RABEP1: variants seen among roughly 807,000 people sequenced by gnomAD.
RABEP1 encodes rab GTPase-binding effector protein 1.
In RABEP1, 51 loss-of-function variants were observed where a neutral mutation model predicts 123.4. The ratio of observed to expected loss-of-function variants is 0.41; its 90% confidence interval spans 0.33 to 0.52. The LOEUF (loss-of-function observed/expected upper bound fraction) is 0.52, where lower values mean the gene tolerates loss of function less well. Ranked by LOEUF, RABEP1 falls within the 20% of genes least tolerant of loss-of-function variation. The pLI, the probability that RABEP1 is intolerant of heterozygous loss-of-function variation, is 0.16. For missense variants in RABEP1, 888 were observed against 996.3 expected (o/e 0.89, Z 1.46); for synonymous variants, 347 against 355.2 (o/e 0.98, Z 0.26).
At chr17:5,315,297 C>T (rs1053856601) in intron 2 of RABEP1, among the ~76,000 whole-genome samples, 4 of 152,070 alleles carry the variant, frequency 2.6e-5, no homozygotes, top group African/African-American at 7.2e-5. Flanking sequence ...TAGATTTAAC[C>T]AGTAGAGACG....
At chr17:5,382,931 A>G (rs1058366) in intron 17 of RABEP1, among the ~76,000 whole-genome samples, 191 bp from the exon 18 acceptor site, 1 of 146,000 alleles carries the variant, frequency 6.8e-6, no homozygotes, top group Non-Finnish European at 1.5e-5. Context: ...TCTCCCCCCC[A>G]AAAAAAAATC....
In RABEP1 at chr17:5,282,285, T is replaced by C; in HGVS notation, c.-202T>C. On this transcript the variant is annotated 5_prime_UTR_variant, in exon 1 of 18. Transcript: ENST00000537505. ...CCTGCGCACTGCTTATTTCCCGCTG[T>C]CAGGATGAGGAGGCGGAGGTCGGCG... The C allele has an allele frequency of 2.5e-6, 1 of 405,522 alleles. No homozygotes were observed. 25.1% of individuals were successfully genotyped at this position (405,522 alleles called of 1,614,324 possible).
chr17:5,303,572 CAAGAT>C (rs1046971970), intron 1 of RABEP1, among the ~76,000 whole-genome samples: 5 of 152,228 alleles, frequency 3.3e-5, no homozygotes, highest in South Asian at 2.1e-4. Context: ...CAGTGAGAAA[CAAGAT>C]AAGACATATG....
intron 10 of RABEP1, among the ~76,000 whole-genome samples, chr17:5,363,636 G>A (rs1479657026): frequency 6.6e-6 from 1 of 152,180 alleles, no homozygotes; most frequent in Non-Finnish European, 1.5e-5. Context: ...TACATGGCAA[G>A]TACTTTATGA....
intron 5 of RABEP1, among the ~76,000 whole-genome samples, chr17:5,339,866 AAAAG>A (rs1379599388): frequency 3.9e-5 from 6 of 152,192 alleles, no homozygotes; most frequent in African/African-American, 1.2e-4. Flanking sequence ...AATTCGAACC[AAAAG>A]AAAGCTGATA....
In RABEP1 at chr17:5,319,350, CAA is replaced by C. The variant is rs112853888; in HGVS notation, c.163+10539_163+10540del. Among the ~76,000 whole-genome samples, 24 of 137,876 alleles carry C rather than the reference CAA, an allele frequency of 1.7e-4. No homozygotes were observed. In the East Asian group the frequency reaches 3.0e-3, roughly 17 times the overall value. The allele number at this position is 137,876 out of a possible 152,430, so 90.5% of individuals were successfully genotyped here. On this transcript the variant is annotated intron_variant, in intron 2 of 17. Transcript: ENST00000537505. ...CTCAAAAAAAAAAAAAACAAAAAAA[CAA>C]AAAAAAAAAACATATATATTTTTTT...
At chr17:5,369,085 G>C (rs1910325496) in intron 12 of RABEP1, among the ~76,000 whole-genome samples, 1 of 152,042 alleles carries the variant, frequency 6.6e-6, no homozygotes, top group Non-Finnish European at 1.5e-5. Flanking sequence ...CTCCAGCCTG[G>C]GTGACACAGC....
At chr17:5,328,645 T>TAAAAAAA (rs60062792) in intron 2 of RABEP1, among the ~76,000 whole-genome samples, 1 of 54,102 alleles carries the variant, frequency 1.8e-5, no homozygotes. Flanking sequence ...GACGCTGTGT[T>TAAAAAAA]AAAAAAAAAA....
intron 1 of RABEP1, among the ~76,000 whole-genome samples, chr17:5,293,315 C>T (rs112809920): frequency 0.12 from 17,855 of 151,682 alleles, 1,104 homozygotes; most frequent in Middle Eastern, 0.14. Context: ...ATCTGTATAT[C>T]TTTCTCTCTA....
intron 2 of RABEP1, among the ~76,000 whole-genome samples, chr17:5,327,491 A>G (rs2144586084): frequency 6.6e-6 from 1 of 152,176 alleles, no homozygotes; most frequent in East Asian, 1.9e-4. Flanking sequence ...ATCTCATGTA[A>G]CCACTGTTGT....
At chr17:5,326,136 G>A (rs1056484992) in intron 2 of RABEP1, among the ~76,000 whole-genome samples, 14 of 152,182 alleles carry the variant, frequency 9.2e-5, no homozygotes, top group African/African-American at 3.1e-4. Flanking sequence ...CAGCAGTCAT[G>A]CTCCTTGGTA....
intron 8 of RABEP1, among the ~76,000 whole-genome samples, chr17:5,355,884 A>G (rs1467534844): frequency 2.6e-5 from 4 of 152,180 alleles, no homozygotes; most frequent in Middle Eastern, 3.2e-3. Context: ...TGCATTTTAA[A>G]AATATTTAGA....
chr17:5,298,897 C>T (rs1428069140), intron 1 of RABEP1, among the ~76,000 whole-genome samples: 1 of 152,068 alleles, frequency 6.6e-6, no homozygotes, highest in African/African-American at 2.4e-5. Flanking sequence ...CCTCGTGATC[C>T]GCCCGCCTCA....
chr17:5,371,420 C>T (rs1287987465), intron 12 of RABEP1: 2 of 152,172 alleles, frequency 1.3e-5, no homozygotes, highest in African/African-American at 4.8e-5. Flanking sequence ...CACTCTTATA[C>T]GTAATTATTT....
chr17:5,290,614 A>G (rs751981462), intron 1 of RABEP1, among the ~76,000 whole-genome samples: 1 of 152,102 alleles, frequency 6.6e-6, no homozygotes, highest in Non-Finnish European at 1.5e-5. Context: ...ATTTTTTGAG[A>G]TAGAGTCTTT....
intron 1 of RABEP1, among the ~76,000 whole-genome samples, chr17:5,302,438 G>A (rs1000713253): frequency 2.6e-5 from 4 of 151,512 alleles, no homozygotes; most frequent in South Asian, 2.1e-4. Flanking sequence ...ATAGGGTTTT[G>A]CCATATTAGC....
intron 1 of RABEP1, among the ~76,000 whole-genome samples, chr17:5,293,642 A>G (rs1377092983): frequency 6.6e-6 from 1 of 152,138 alleles, no homozygotes; most frequent in Non-Finnish European, 1.5e-5. Context: ...CCTGGGCTCA[A>G]GGGATCCACC....
intron 12 of RABEP1, among the ~76,000 whole-genome samples, chr17:5,369,113 GA>G (rs896731546): frequency 7.6e-5 from 11 of 145,648 alleles, no homozygotes; most frequent in Non-Finnish European, 1.5e-4. Context: ...TCTTTCAAAA[GA>G]AAAAAAAAAT....
intron 11 of RABEP1, among the ~76,000 whole-genome samples, chr17:5,367,197 A>G (rs1910074605): frequency 6.6e-6 from 1 of 151,980 alleles, no homozygotes. Flanking sequence ...ATCCTATATT[A>G]TAGAGGTTTT....
Sources: allele counts gnomAD v4.1 joint callset (sites outside exome capture counted in the v4.1 genomes callset), GRCh38; gene constraint gnomAD v4.1.1; transcripts MANE v1.5; gene names NCBI Gene and HGNC (gene_info 2026-07-23, HGNC 2026-07-21).